The following ABHD5 variants were observed in gnomAD, a reference collection of about 807,000 sequenced individuals.
ABHD5 encodes the protein abhydrolase domain containing 5, lysophosphatidic acid acyltransferase, also known as 1-acylglycerol-3-phosphate O-acyltransferase ABHD5.
Under a neutral mutation model 44.9 loss-of-function variants are expected in ABHD5, and 30 were observed. That is an observed-to-expected ratio of 0.67 (90% CI 0.50 to 0.91). The LOEUF is 0.91. ABHD5 is among the 40% of genes least tolerant of loss of function. ABHD5 has a pLI of 0.00. For missense variants in ABHD5, 399 were observed against 423.4 expected (o/e 0.94, Z 0.50); for synonymous variants, 167 against 147.0 (o/e 1.14, Z -0.99).
At chr3:43,717,627 A>G in intron 5 of ABHD5, 44 bp from the exon 6 acceptor site, 1 of 1,605,784 alleles carries the variant, frequency 6.2e-7, no homozygotes, top group Non-Finnish European at 8.5e-7. Flanking sequence ...ATGCATACTC[A>G]TTCCCAAAAA....
chr3:43,695,333 C>T (rs941152606), intron 1 of ABHD5, among the ~76,000 whole-genome samples: 6 of 152,024 alleles, frequency 3.9e-5, no homozygotes, highest in Non-Finnish European at 8.8e-5. Flanking sequence ...TATATTCATA[C>T]CTGTAATTCA....
intron 5 of ABHD5, 78 bp from the exon 6 acceptor site, chr3:43,717,593 T>G: frequency 6.9e-7 from 1 of 1,439,342 alleles, no homozygotes. Flanking sequence ...AATATGAATG[T>G]GTTTTGATAG....
At chr3:43,708,292 T>C (rs1270373763) in intron 3 of ABHD5, among the ~76,000 whole-genome samples, 5 of 152,234 alleles carry the variant, frequency 3.3e-5, no homozygotes, top group African/African-American at 1.2e-4. Context: ...ACCCATTCTT[T>C]ACCCTAGATG....
At chr3:43,701,765 C>T (rs954911421) in intron 2 of ABHD5, 1 of 154,418 alleles carries the variant, frequency 6.5e-6, no homozygotes, top group African/African-American at 2.4e-5. Flanking sequence ...AAAAATGATG[C>T]CTTTAAGCCT....
intron 1 of ABHD5, among the ~76,000 whole-genome samples, chr3:43,692,840 G>A (rs12490378): frequency 0.063 from 9,571 of 152,218 alleles, 506 homozygotes; most frequent in African/African-American, 0.13. Context: ...TGGGACTCAT[G>A]TGGGATGTTT....
chr3:43,697,274 T>C (rs2084485155), intron 1 of ABHD5, among the ~76,000 whole-genome samples: 1 of 152,214 alleles, frequency 6.6e-6, no homozygotes, highest in Admixed American at 6.5e-5. Flanking sequence ...TGCATTTGTG[T>C]TTTCTTTGCC....
chr3:43,711,086 A>G (rs2084683529), intron 3 of ABHD5, among the ~76,000 whole-genome samples: 2 of 152,232 alleles, frequency 1.3e-5, no homozygotes, highest in Non-Finnish European at 2.9e-5. Context: ...TATCATGGAT[A>G]AGGTAGATAG....
In ABHD5 at chr3:43,717,737, A is replaced by G. The variant is rs753292128; in HGVS notation, c.840A>G (p.Arg280=). 3 of 1,614,214 alleles carry G rather than the reference A, an allele frequency of 1.9e-6. No homozygotes were observed. In the South Asian group the frequency reaches 3.3e-5, roughly 18 times the overall value. Residue 280 remains arginine (R), a synonymous_variant, in exon 6 of 7, where the codon CGA becomes CGG. Transcript: ENST00000644371. ...YGWAKRPMLQ[R]IGKMHPDIPV... is the part of the protein sequence containing the mutation. The stretch of plus-strand genomic sequence containing the variant: ...GGGCAAAAAGGCCAATGCTCCAGCG[A>G]ATTGGTAAAATGCACCCTGACATTC...
At chr3:43,727,576 A>G (rs1210835295), downstream of ABHD5, among the ~76,000 whole-genome samples, 1 of 152,154 alleles carries the variant, frequency 6.6e-6, no homozygotes, top group Non-Finnish European at 1.5e-5. Flanking sequence ...TGCAGGAAAA[A>G]ATGGTGTTGT....
intron 7 of ABHD5, among the ~76,000 whole-genome samples, chr3:43,732,014 G>A (rs1049934099): frequency 6.6e-6 from 1 of 152,008 alleles, no homozygotes; most frequent in African/African-American, 2.4e-5. Flanking sequence ...AAAAAAGAAA[G>A]CATTTAATTC....
At chr3:43,702,845 T>C (rs962839305) in intron 3 of ABHD5, among the ~76,000 whole-genome samples, 2 of 152,198 alleles carry the variant, frequency 1.3e-5, no homozygotes, top group East Asian at 3.9e-4. Flanking sequence ...GAAACTTTAA[T>C]GTATAATTTT....
downstream of ABHD5, among the ~76,000 whole-genome samples, chr3:43,726,457 A>G (rs1016620062): frequency 6.6e-6 from 1 of 152,176 alleles, no homozygotes; most frequent in Non-Finnish European, 1.5e-5. Context: ...GGACAACACC[A>G]TGAAAGGACT....
At chr3:43,713,905 A>C (rs2084723089) in intron 4 of ABHD5, among the ~76,000 whole-genome samples, 1 of 151,806 alleles carries the variant, frequency 6.6e-6, no homozygotes, top group African/African-American at 2.4e-5. Context: ...TGCATGACAG[A>C]ATTTCTTGGT....
At position 43,702,728 on chromosome 3, in the gene ABHD5, A is replaced by G. The variant is rs905519555; in HGVS notation, c.506+141A>G. ...GACCCTATAGACCACACCACAACTG[A>G]TGACCAATATAGTAGCTGAAATAAT... On this transcript the variant is annotated intron_variant, in intron 3 of 6. Transcript: ENST00000644371. 17 of 1,116,212 alleles carry G rather than the reference A, an allele frequency of 1.5e-5. No homozygotes were observed. In the African/African-American group the frequency reaches 1.8e-4, roughly 12 times the overall value. 69.1% of individuals were successfully genotyped at this position (1,116,212 alleles called of 1,614,324 possible).
At position 43,721,327 on chromosome 3, in the gene ABHD5, C is replaced by T. The variant is rs780224696; in HGVS notation, c.*2795C>T. The T allele has an allele frequency of 3.3e-5, 5 of 152,054 alleles. No homozygotes were observed. The highest frequency in any genetic ancestry group is 1.9e-4 in the East Asian group (1 of 5,190). The allele number at this position is 152,054 out of a possible 1,614,324, so 9.4% of individuals were successfully genotyped here. A position where few individuals can be genotyped will look rare whatever the true frequency, so the allele number is the denominator to read the frequency against. ...AAAGACCCAATTTTTAAAATGAAAC[C>T]CTCTTTCTAACTAGAAGAAAACATA... On this transcript the variant is annotated 3_prime_UTR_variant, in exon 7 of 7. Coordinates refer to ENST00000644371, the MANE Select transcript of ABHD5 (RefSeq NM_016006.6).
chr3:43,705,502 T>G (rs1256279562), intron 3 of ABHD5, among the ~76,000 whole-genome samples: 1 of 152,238 alleles, frequency 6.6e-6, no homozygotes, highest in Non-Finnish European at 1.5e-5. Context: ...TTTACAGAAT[T>G]AAGCAAATTG....
rs2084782003 is a variant in ABHD5, at chr3:43,717,562, T to C, written c.774-109T>C. The stretch of plus-strand genomic sequence containing the variant: ...TATTTTCTATTTAAGCTGAGGTTTT[T>C]CTTAGGTGCTGGAAAAGCTAAATAT... On this transcript the variant is annotated intron_variant, in intron 5 of 6. Coordinates refer to ENST00000644371, the MANE Select transcript of ABHD5 (RefSeq NM_016006.6). 3 of 1,140,270 alleles carry C rather than the reference T, an allele frequency of 2.6e-6. No individual in the cohort carries two copies. In the Admixed American group the frequency reaches 5.6e-5, roughly 21 times the overall value. 70.6% of individuals were successfully genotyped at this position (1,140,270 alleles called of 1,614,324 possible). A position where few individuals can be genotyped will look rare whatever the true frequency, so the allele number is the denominator to read the frequency against.
chr3:43,712,338 C>G (rs975494991), intron 4 of ABHD5, among the ~76,000 whole-genome samples: 3 of 152,156 alleles, frequency 2.0e-5, no homozygotes, highest in Non-Finnish European at 4.4e-5. Flanking sequence ...CAGATTCTTC[C>G]CTTATCCATG....
exon 8 of ABHD5, chr3:43,733,998 G>A (rs964266245): frequency 6.6e-6 from 1 of 152,238 alleles, no homozygotes; most frequent in African/African-American, 2.4e-5. Context: ...TTTCTTGTCT[G>A]TGGAATGCTG....
Sources: gnomAD v4.1 joint callset for allele counts (sites outside exome capture counted in the v4.1 genomes callset) on GRCh38, gnomAD v4.1.1 for gene constraint, MANE v1.5 for transcripts, NCBI Gene and HGNC (gene_info 2026-07-23, HGNC 2026-07-21) for gene names.